Variants in CEP250 observed in about 807,000 individuals in gnomAD.
CEP250 encodes centrosome-associated protein CEP250.
A neutral mutation model predicts 315.7 loss-of-function variants in CEP250; 242 were observed. That is an observed-to-expected ratio of 0.77 (90% CI 0.69 to 0.85). The LOEUF is 0.85. Ranked by LOEUF, CEP250 falls within the 40% of genes least tolerant of loss-of-function variation. The pLI, the probability that CEP250 is intolerant of heterozygous loss-of-function variation, is 0.00. For synonymous variants in CEP250, 1,088 were observed against 1,175.0 expected (o/e 0.93, Z 1.51); for missense variants, 2,515 against 2,886.4 (o/e 0.87, Z 2.95).
chr20:35,485,970 T>C (rs947739328), intron 20 of CEP250, among the ~76,000 whole-genome samples: 1 of 151,184 alleles, frequency 6.6e-6, no homozygotes, highest in African/African-American at 2.4e-5. Flanking sequence ...GCCACCTGGC[T>C]TATTTTTATT....
chr20:35,510,204 T>A (rs534475503), intron 34 of CEP250, 150 bp downstream of exon 34: 2 of 705,500 alleles, frequency 2.8e-6, no homozygotes, highest in Admixed American at 2.2e-5. Context: ...CCATCTCTCA[T>A]ATGCCTAGGG....
At chr20:35,466,340 T>C (rs974723204) in intron 7 of CEP250, 136 bp downstream of exon 7, 7 of 1,052,084 alleles carry the variant, frequency 6.7e-6, no homozygotes, top group Non-Finnish European at 9.4e-6. Flanking sequence ...TGACCATCCT[T>C]ACCTGCGCAT....
Position 35,510,038 on chromosome 20 carries a change from C to T in CEP250, c.7049C>T (p.Ala2350Val). ...AAGAACTCAGATGCCAAGTGTGTGG[C>T]TGAACTGCAGAAAGAGGTATGTTCT... ...GQKNSDAKCVAELQKEVVLLQ... is the reference protein window; with the variant it reads ...GQKNSDAKCVVELQKEVVLLQ... The change falls in exon 34 of 35, where the codon GCT becomes GTT. Residue 2350 changes from alanine (A) to valine (V), a missense_variant. Ala to Val is a moderately conservative substitution (Grantham distance 64, BLOSUM62 0). Transcript: ENST00000397527. 6.2e-7 allele frequency: 1 copy of T among 1,614,170 alleles called. No individual in the cohort carries two copies. The highest frequency in any genetic ancestry group is 8.5e-7 in the Non-Finnish European group (1 of 1,180,014).
chr20:35,479,939 A>T, intron 19 of CEP250, 37 bp from the exon 20 acceptor site: 1 of 1,606,516 alleles, frequency 6.2e-7, no homozygotes, highest in Non-Finnish European at 8.5e-7. Context: ...AGGTAAAAGG[A>T]GGGGGCGGAG....
At chr20:35,455,537 GC>G, upstream of CEP250, 1 of 152,084 alleles carries the variant, frequency 6.6e-6, no homozygotes, top group Non-Finnish European at 1.5e-5. Flanking sequence ...GCGCTCTGCC[GC>G]CCCCCCGCCC....
Position 35,493,435 on chromosome 20 carries a change from A to C in CEP250, c.2896A>C (p.Thr966Pro), listed in dbSNP as rs764883437. Residue 966 changes from threonine to proline, a missense_variant, in exon 23 of 35, where the codon ACT (threonine) becomes CCT (proline). By Grantham distance (38) the Thr-to-Pro change is conservative. Coordinates refer to ENST00000397527, the MANE Select transcript of CEP250 (RefSeq NM_007186.6). ...ATTTCTTATCCCTCTTCAGGAGACC[A>C]CTGGGATACTACAGACCCAGCTCCA... ...KVQKLKEQETTGILQTQLQEA... is the reference protein window; with the variant it reads ...KVQKLKEQETPGILQTQLQEA... The C allele has an allele frequency of 1.4e-5, 23 of 1,597,140 alleles. No individual in the cohort carries two copies. In the South Asian group the frequency reaches 2.1e-4, roughly 15 times the overall value.
rs1184702810 is a variant in CEP250 at position 35,519,272 on chromosome 20, G to A, written c.*7646G>A. On this transcript the variant is annotated 3_prime_UTR_variant, in exon 35 of 35. Coordinates refer to ENST00000397527, the MANE Select transcript of CEP250 (RefSeq NM_007186.6). ...ATTATTTTGTCACAATAAAAAGTTT[G>A]AAAATCGAGTTCATAATATTTCCAG... 2 of 152,010 alleles carry A rather than the reference G, an allele frequency of 1.3e-5. No homozygotes were observed. The highest frequency in any genetic ancestry group is 2.9e-5 in the Non-Finnish European group (2 of 67,992). The allele number at this position is 152,010 out of a possible 1,614,324, so 9.4% of individuals were successfully genotyped here.
intron 28 of CEP250, 65 bp downstream of exon 28, chr20:35,500,234 G>T: frequency 6.9e-6 from 11 of 1,585,158 alleles, no homozygotes; most frequent in Non-Finnish European, 8.6e-6. Flanking sequence ...GCCCAGAAGT[G>T]GCAGGCACAG....
In CEP250 at chr20:35,509,938, T is replaced by A. The variant is rs1418452467; in HGVS notation, c.7009-60T>A. The stretch of plus-strand genomic sequence containing the variant: ...TTGTGATGAGGTTCTGCAAGGAAAC[T>A]TGCAGAAACCCCAGAGTGGGAAGGC... On this transcript the variant is annotated intron_variant, in intron 33 of 34. Transcript: ENST00000397527. The A allele has an allele frequency of 4.6e-6, 7 of 1,512,664 alleles. No individual in the cohort carries two copies. The East Asian group carries it at 1.6e-4, about 34-fold the overall frequency. The allele number at this position is 1,512,664 out of a possible 1,614,324, so 93.7% of individuals were successfully genotyped here.
In CEP250 at chr20:35,503,142, C is replaced by T. The variant is rs562343473; in HGVS notation, c.4773C>T (p.Thr1591=). 1.9e-5 allele frequency: 31 copies of T among 1,614,062 alleles called. No homozygotes were observed. The Admixed American group carries it at 2.8e-4, about 15-fold the overall frequency. The change falls in exon 30 of 35, where the codon ACC becomes ACT. Residue 1591 remains threonine (T), a synonymous_variant. Coordinates refer to ENST00000397527, the MANE Select transcript of CEP250 (RefSeq NM_007186.6). The surrounding 1 kb of genome is among the most constrained non-coding windows in gnomAD (Gnocchi z 4.2). The part of the protein sequence containing the change: ...GQRETQRVAL[T]HLTLDLEERS... ...GGGAAACCCAGAGAGTGGCTTTGAC[C>T]CACCTTACGCTGGACCTAGAAGAAA...
intron 3 of CEP250, among the ~76,000 whole-genome samples, chr20:35,461,143 G>A (rs775490788): frequency 6.6e-6 from 1 of 152,158 alleles, no homozygotes; most frequent in Non-Finnish European, 1.5e-5. Context: ...CAAATGTTAG[G>A]TTTGCATTCG....
intron 15 of CEP250, among the ~76,000 whole-genome samples, chr20:35,475,865 C>T (rs577970813): frequency 1.3e-5 from 2 of 152,314 alleles, no homozygotes; most frequent in South Asian, 2.1e-4. Context: ...AACCATTCAA[C>T]GGCTTTCTAG....
Position 35,503,783 on chromosome 20 carries a change from T to A in CEP250, c.5414T>A (p.Leu1805Gln), listed in dbSNP as rs773760256. Reference protein sequence around the residue: ...ELKEQSLQSQLDEAQRALAQR... With the variant: ...ELKEQSLQSQQDEAQRALAQR... ...AAGGAGCAGTCACTTCAGAGTCAAC[T>A]GGATGAGGCCCAGAGAGCCCTAGCC... is the stretch of plus-strand genomic sequence containing the variant. Residue 1805 changes from leucine to glutamine, a missense_variant, in exon 30 of 35, where the codon CTG becomes CAG. Leu to Gln is a moderately radical substitution (Grantham distance 113, BLOSUM62 -2). Transcript: ENST00000397527. This position sits in a 1 kb window ranked among gnomAD's most constrained non-coding sequence, Gnocchi z 4.2. 6.2e-7 allele frequency: 1 copy of A among 1,613,822 alleles called. No homozygotes were observed. The highest frequency in any genetic ancestry group is 1.1e-5 in the South Asian group (1 of 91,070).
rs978596743 is a variant in CEP250 at position 35,518,218 on chromosome 20, C to T, written c.*6592C>T. The T allele has an allele frequency of 6.6e-6, 1 of 151,442 alleles. No homozygotes were observed. The highest frequency in any genetic ancestry group is 6.6e-5 in the Admixed American group (1 of 15,236). The allele number at this position is 151,442 out of a possible 1,614,324, so 9.4% of individuals were successfully genotyped here. A position where few individuals can be genotyped will look rare whatever the true frequency, so the allele number is the denominator to read the frequency against. On this transcript the variant is annotated 3_prime_UTR_variant, in exon 35 of 35. Coordinates refer to ENST00000397527, the MANE Select transcript of CEP250 (RefSeq NM_007186.6). Reference sequence around the variant, plus strand: ...TTGTCTATGTGGTGCCATAACGGGTCCAGTATCTGGACACGAGGCCGCACT... The same window carrying T: ...TTGTCTATGTGGTGCCATAACGGGTTCAGTATCTGGACACGAGGCCGCACT...
At chr20:35,488,642 T>G (rs1194350200) in intron 20 of CEP250, among the ~76,000 whole-genome samples, 1 of 152,066 alleles carries the variant, frequency 6.6e-6, no homozygotes, top group Non-Finnish European at 1.5e-5. Flanking sequence ...TTTTGCATTT[T>G]TTGTAGATAA....
At chr20:35,456,021 A>G (rs767103122) in intron 1 of CEP250, among the ~76,000 whole-genome samples, 4 of 151,954 alleles carry the variant, frequency 2.6e-5, no homozygotes, top group Admixed American at 6.6e-5. Flanking sequence ...TCAGCCTCCC[A>G]AGTAGCTGGG....
At chr20:35,482,549 T>A (rs888974831) in intron 20 of CEP250, among the ~76,000 whole-genome samples, 4 of 150,594 alleles carry the variant, frequency 2.7e-5, no homozygotes, top group Non-Finnish European at 5.9e-5. Context: ...ATTTATTTTT[T>A]TATATTTTTT....
At chr20:35,478,646 T>C (rs919140664) in intron 17 of CEP250, among the ~76,000 whole-genome samples, 4 of 152,254 alleles carry the variant, frequency 2.6e-5, no homozygotes, top group African/African-American at 9.6e-5. Context: ...CCTTATACTC[T>C]GATAGCACCT....
Position 35,515,125 on chromosome 20 carries a change from G to A in CEP250, c.*3499G>A, listed in dbSNP as rs1033436202. The A allele has an allele frequency of 6.6e-6, 1 of 152,438 alleles. No homozygotes were observed. Among genetic ancestry groups the A allele is most frequent in the Admixed American group, 6.5e-5 (1 of 15,270 alleles). 9.4% of individuals were successfully genotyped at this position (152,438 alleles called of 1,614,324 possible). On this transcript the variant is annotated 3_prime_UTR_variant, in exon 35 of 35. Coordinates refer to ENST00000397527, the MANE Select transcript of CEP250 (RefSeq NM_007186.6). ...GAGCTCGGGGTCTAGCTGTGACCTG[G>A]GGATCGGTTGGAGTAGCTTCTTGAC... is the stretch of plus-strand genomic sequence containing the variant.
Sources: allele counts gnomAD v4.1 joint callset (sites outside exome capture counted in the v4.1 genomes callset), GRCh38; gene constraint gnomAD v4.1.1; non-coding constraint Gnocchi (gnomAD v3.1); transcripts MANE v1.5; gene names NCBI Gene and HGNC (gene_info 2026-07-23, HGNC 2026-07-21).